The following FYN variants were observed in gnomAD, a reference collection of about 807,000 sequenced individuals.
FYN encodes the protein tyrosine-protein kinase Fyn.
FYN carries 10 observed loss-of-function variants against 70.2 expected under a neutral mutation model. The observed-to-expected ratio is 0.14, with a 90% CI of 0.09 to 0.24. FYN has a LOEUF of 0.24. Among genes scored for constraint, FYN ranks in the 10% least tolerant of loss-of-function variants. FYN has a pLI of 1.00. For missense variants in FYN, 319 were observed against 673.1 expected, an observed-to-expected ratio of 0.47 and a Z score of 5.82; for synonymous variants, 236 against 248.6, an observed-to-expected ratio of 0.95 and a Z score of 0.48.
chr6:111,805,313 G>A (rs553657348), intron 2 of FYN, among the ~76,000 whole-genome samples: 26 of 152,322 alleles, frequency 1.7e-4, no homozygotes, highest in African/African-American at 6.3e-4. Context: ...TGTGAACACT[G>A]CCAGATACAA....
chr6:111,796,946 G>A (rs191865338), intron 2 of FYN, among the ~76,000 whole-genome samples: 86 of 152,306 alleles, frequency 5.6e-4, no homozygotes, highest in Non-Finnish European at 1.8e-4. Context: ...CTTATCTGGA[G>A]GTTTTTCAAT....
In FYN at chr6:111,663,995, T is replaced by C. The variant is rs74596439; in HGVS notation, c.1406-2048A>G. Among the ~76,000 whole-genome samples the C allele has an allele frequency of 4.5e-4, 69 of 152,334 alleles. 1 individual carries two copies. In the East Asian group the frequency reaches 0.012, roughly 26 times the overall value. On this transcript the variant is annotated intron_variant, in intron 13 of 13. Transcript: ENST00000354650. The stretch of plus-strand genomic sequence containing the variant: ...ACACCATCAAGTTTTTGTAACTCAC[T>C]TGACTACAGAACTGATCTGAACTGA...
At chr6:111,767,480 C>T (rs189989911) in intron 3 of FYN, among the ~76,000 whole-genome samples, 2 of 152,276 alleles carry the variant, frequency 1.3e-5, no homozygotes, top group East Asian at 3.9e-4. Context: ...CAGCTCACTG[C>T]AACCTCTGCC....
chr6:111,744,095 G>C (rs6919476), intron 3 of FYN, among the ~76,000 whole-genome samples: 18,133 of 152,206 alleles, frequency 0.12, 1,797 homozygotes, highest in African/African-American at 0.27. Flanking sequence ...AGCTGGAGAA[G>C]AGCCATCTTG....
intron 1 of FYN, among the ~76,000 whole-genome samples, chr6:111,848,339 A>G (rs1052066485): frequency 2.6e-5 from 4 of 152,214 alleles, no homozygotes; most frequent in African/African-American, 9.7e-5. Context: ...CCCTTCTTTC[A>G]AGCATACTGT....
intron 3 of FYN, among the ~76,000 whole-genome samples, chr6:111,746,517 ATAG>A (rs1481542322): frequency 6.6e-6 from 1 of 152,224 alleles, no homozygotes; most frequent in East Asian, 1.9e-4. Flanking sequence ...GCTGAGTGGC[ATAG>A]TAGTTTTTAT....
chr6:111,670,211 C>T (rs1798203092), intron 13 of FYN, among the ~76,000 whole-genome samples: 1 of 152,176 alleles, frequency 6.6e-6, no homozygotes, highest in African/African-American at 2.4e-5. Flanking sequence ...CCCCTGGGGC[C>T]TCTGGGACCT....
At chr6:111,803,843 C>A (rs914206970) in intron 2 of FYN, among the ~76,000 whole-genome samples, 1 of 152,176 alleles carries the variant, frequency 6.6e-6, no homozygotes, top group Non-Finnish European at 1.5e-5. Flanking sequence ...CGGAAATGCA[C>A]AGCTTCCCAA....
At chr6:111,789,272 C>T (rs1771517999) in intron 2 of FYN, among the ~76,000 whole-genome samples, 1 of 152,080 alleles carries the variant, frequency 6.6e-6, no homozygotes, top group Non-Finnish European at 1.5e-5. Context: ...GTGTAGGGGT[C>T]CCAGCATCCA....
intron 4 of FYN, among the ~76,000 whole-genome samples, chr6:111,716,245 C>CT (rs1449931057): frequency 2.0e-5 from 3 of 152,266 alleles, no homozygotes; most frequent in Non-Finnish European, 1.5e-5. Flanking sequence ...GCAGTTATTT[C>CT]TTTTGAGTAT....
intron 12 of FYN, among the ~76,000 whole-genome samples, chr6:111,686,692 G>T (rs1015782422): frequency 1.9e-4 from 29 of 152,108 alleles, no homozygotes; most frequent in African/African-American, 7.0e-4. Flanking sequence ...TGCTGTTCAG[G>T]TCACAGCACA....
intron 2 of FYN, among the ~76,000 whole-genome samples, chr6:111,837,144 C>T (rs1187686818): frequency 3.3e-5 from 5 of 152,184 alleles, no homozygotes; most frequent in South Asian, 2.1e-4. Flanking sequence ...CTAAACTTTA[C>T]GAGTGGGTTT....
intron 3 of FYN, among the ~76,000 whole-genome samples, chr6:111,736,188 G>A (rs1002290876): frequency 2.0e-5 from 3 of 152,140 alleles, no homozygotes; most frequent in East Asian, 1.9e-4. Context: ...AGGTCACAGG[G>A]GATCACCACT....
intron 3 of FYN, among the ~76,000 whole-genome samples, chr6:111,757,354 A>G (rs1802784058): frequency 6.6e-6 from 1 of 152,228 alleles, no homozygotes; most frequent in African/African-American, 2.4e-5. Flanking sequence ...TAAAACTCTG[A>G]GAGGCAGGGA....
intron 3 of FYN, among the ~76,000 whole-genome samples, chr6:111,738,087 C>T (rs894461821): frequency 2.6e-5 from 4 of 152,178 alleles, no homozygotes; most frequent in Non-Finnish European, 5.9e-5. Flanking sequence ...TAAAGTGATG[C>T]TACTGGCAGA....
At chr6:111,768,508 G>A (rs1803318894) in intron 3 of FYN, among the ~76,000 whole-genome samples, 1 of 152,180 alleles carries the variant, frequency 6.6e-6, no homozygotes, top group East Asian at 1.9e-4. Context: ...TTGATAAGTG[G>A]ATACAATTGA....
chr6:111,748,636 A>T (rs1030735378), intron 3 of FYN, among the ~76,000 whole-genome samples: 1 of 152,224 alleles, frequency 6.6e-6, no homozygotes, highest in Admixed American at 6.5e-5. Context: ...CACTAACCAC[A>T]TGTGGCTGGT....
intron 2 of FYN, among the ~76,000 whole-genome samples, chr6:111,829,573 T>C (rs1037148263): frequency 3.3e-5 from 5 of 152,010 alleles, no homozygotes; most frequent in Admixed American, 6.6e-5. Context: ...AAAAGAACCA[T>C]AGACTGAGCA....
chr6:111,815,487 C>A (rs905080428), intron 2 of FYN, among the ~76,000 whole-genome samples: 2 of 151,992 alleles, frequency 1.3e-5, no homozygotes, highest in Non-Finnish European at 2.9e-5. Flanking sequence ...ATTAAACCAG[C>A]ATAAAAAAAA....
Sources: allele counts gnomAD v4.1 joint callset (sites outside exome capture counted in the v4.1 genomes callset), GRCh38; gene constraint gnomAD v4.1.1; transcripts MANE v1.5; gene names NCBI Gene and HGNC (gene_info 2026-07-23, HGNC 2026-07-21).